Variants in CACNA2D1 observed in about 807,000 individuals in gnomAD.
CACNA2D1 encodes the protein voltage-dependent calcium channel subunit alpha-2/delta-1.
In CACNA2D1, 53 loss-of-function variants were observed where a neutral mutation model predicts 171.5. The ratio of observed to expected loss-of-function variants is 0.31; its 90% confidence interval spans 0.25 to 0.39. The LOEUF (loss-of-function observed/expected upper bound fraction) is 0.39. Ranked by LOEUF, CACNA2D1 falls within the 10% of genes least tolerant of loss-of-function variation. The pLI is 1.00. For missense variants in CACNA2D1, 903 were observed against 1,299.8 expected (o/e 0.69, Z 4.69); for synonymous variants, 442 against 443.1 (o/e 1.00, Z 0.03).
In CACNA2D1 at chr7:81,947,325, TTTG is replaced by T. The variant is rs1247127418; in HGVS notation, c.*3064_*3066del. On this transcript the variant is annotated 3_prime_UTR_variant, in exon 39 of 39. Transcript: ENST00000356860. ...CTTACAAATGGCAGGAACACTGTTT[TTTG>T]TTTTTTTTTTTCCCAAGTTAAGCAG... is the stretch of plus-strand genomic sequence containing the variant. The T allele has an allele frequency of 1.3e-5, 2 of 151,590 alleles. No individual in the cohort carries two copies. The highest frequency in any genetic ancestry group is 6.6e-5 in the Admixed American group (1 of 15,202). The allele number at this position is 151,590 out of a possible 1,614,324, so 9.4% of individuals were successfully genotyped here. A position where few individuals can be genotyped will look rare whatever the true frequency, so the allele number is the denominator to read the frequency against.
intron 3 of CACNA2D1, among the ~76,000 whole-genome samples, chr7:82,277,862 T>C (rs1000708007): frequency 6.6e-6 from 1 of 151,076 alleles, no homozygotes; most frequent in Non-Finnish European, 1.5e-5. Flanking sequence ...TCTCCTGCCT[T>C]AGCCTCCCAA....
At chr7:82,372,251 A>T (rs773335239) in intron 1 of CACNA2D1, among the ~76,000 whole-genome samples, 13 of 152,194 alleles carry the variant, frequency 8.5e-5, no homozygotes, top group Non-Finnish European at 1.6e-4. Context: ...TGATACAAAA[A>T]GCATGCTCAA....
intron 3 of CACNA2D1, among the ~76,000 whole-genome samples, chr7:82,186,278 G>A (rs927401206): frequency 8.6e-5 from 13 of 151,036 alleles, no homozygotes; most frequent in Non-Finnish European, 1.5e-4. Flanking sequence ...AAGGAAGGAA[G>A]GAAGGAAGGA....
chr7:82,304,103 G>A (rs1490275575), intron 3 of CACNA2D1, among the ~76,000 whole-genome samples: 8 of 151,864 alleles, frequency 5.3e-5, no homozygotes, highest in Non-Finnish European at 8.8e-5. Context: ...GTTCAACATC[G>A]CTAATCATCA....
At chr7:82,199,579 T>G (rs189626983) in intron 3 of CACNA2D1, among the ~76,000 whole-genome samples, 1 of 152,206 alleles carries the variant, frequency 6.6e-6, no homozygotes, top group East Asian at 1.9e-4. Flanking sequence ...TAACCCTATT[T>G]ACATTAGCAG....
chr7:82,208,863 G>A (rs1800274204), intron 3 of CACNA2D1, among the ~76,000 whole-genome samples: 1 of 151,996 alleles, frequency 6.6e-6, no homozygotes, highest in Non-Finnish European at 1.5e-5. Context: ...TGATATGTGA[G>A]GTAATACATA....
chr7:82,171,455 T>G (rs761664396), intron 3 of CACNA2D1, among the ~76,000 whole-genome samples: 1 of 152,006 alleles, frequency 6.6e-6, no homozygotes, highest in Non-Finnish European at 1.5e-5. Flanking sequence ...CCCGACTGCC[T>G]AGATTTGAAT....
chr7:82,054,090 T>A, intron 10 of CACNA2D1, among the ~76,000 whole-genome samples: 1 of 152,208 alleles, frequency 6.6e-6, no homozygotes, highest in Non-Finnish European at 1.5e-5. Context: ...TCAATGGCCT[T>A]TAAAACTGGC....
intron 6 of CACNA2D1, among the ~76,000 whole-genome samples, chr7:82,085,324 C>T (rs1201903732): frequency 6.6e-6 from 1 of 152,010 alleles, no homozygotes; most frequent in Non-Finnish European, 1.5e-5. Flanking sequence ...GTCAGATGGC[C>T]CCTGCGGGCA....
intron 3 of CACNA2D1, among the ~76,000 whole-genome samples, chr7:82,193,835 T>C (rs927138219): frequency 7.2e-5 from 11 of 152,068 alleles, no homozygotes; most frequent in African/African-American, 2.7e-4. Flanking sequence ...ATTCATTTTG[T>C]GGTGCTGAAT....
chr7:81,971,654 T>A, intron 26 of CACNA2D1, 123 bp downstream of exon 26: 1 of 675,294 alleles, frequency 1.5e-6, no homozygotes, highest in East Asian at 2.8e-5. Flanking sequence ...ATAGTGATTT[T>A]CTTGAGAAAT....
intron 1 of CACNA2D1, among the ~76,000 whole-genome samples, chr7:82,404,328 G>A (rs533788455): frequency 6.6e-6 from 1 of 152,324 alleles, no homozygotes; most frequent in East Asian, 1.9e-4. Context: ...GGGATCTGTA[G>A]TAGGGACAAA....
intron 21 of CACNA2D1, among the ~76,000 whole-genome samples, chr7:81,989,285 C>T (rs977776404): frequency 2.6e-5 from 4 of 152,048 alleles, no homozygotes; most frequent in Admixed American, 2.0e-4. Context: ...TGCCAGACTT[C>T]GGGTGTCAGA....
intron 3 of CACNA2D1, among the ~76,000 whole-genome samples, chr7:82,243,161 C>A (rs1804520653): frequency 6.6e-6 from 1 of 152,064 alleles, no homozygotes; most frequent in Admixed American, 6.6e-5. Flanking sequence ...TGAAACCAAG[C>A]CTTTAAAGAT....
intron 22 of CACNA2D1, among the ~76,000 whole-genome samples, chr7:81,983,618 G>A (rs188161366): frequency 5.6e-4 from 85 of 152,220 alleles, no homozygotes; most frequent in African/African-American, 2.0e-3. Context: ...TACCAATGAC[G>A]TCAGGCTATA....
intron 1 of CACNA2D1, among the ~76,000 whole-genome samples, chr7:82,359,826 G>A (rs1178839300): frequency 1.3e-5 from 2 of 152,156 alleles, no homozygotes; most frequent in East Asian, 3.8e-4. Context: ...ATCTAGCACA[G>A]TTCTGAACAT....
intron 3 of CACNA2D1, among the ~76,000 whole-genome samples, chr7:82,248,765 T>G (rs921832719): frequency 6.6e-6 from 1 of 151,436 alleles, no homozygotes; most frequent in Non-Finnish European, 1.5e-5. Context: ...TTGGACACAG[T>G]GATCAACAAA....
intron 38 of CACNA2D1, among the ~76,000 whole-genome samples, chr7:81,958,698 A>ATGTAATTGACCTGGTC (rs1793731089): frequency 6.6e-6 from 1 of 151,862 alleles, no homozygotes; most frequent in Non-Finnish European, 1.5e-5. Context: ...ATCAAACCCT[A>ATGTAATTGACCTGGTC]TGTAATTGAC....
intron 6 of CACNA2D1, among the ~76,000 whole-genome samples, chr7:82,092,293 T>G (rs1166901022): frequency 6.6e-6 from 1 of 152,224 alleles, no homozygotes; most frequent in Admixed American, 6.5e-5. Flanking sequence ...AGGAACATTA[T>G]GTAATTTGTA....
Sources: gnomAD v4.1 joint callset for allele counts (sites outside exome capture counted in the v4.1 genomes callset) on GRCh38, gnomAD v4.1.1 for gene constraint, MANE v1.5 for transcripts, NCBI Gene and HGNC (gene_info 2026-07-23, HGNC 2026-07-21) for gene names.